The following SUCLG2 variants were observed in gnomAD, a reference collection of about 807,000 sequenced individuals.
SUCLG2 encodes succinate-CoA ligase GDP-forming subunit beta.
Under a neutral mutation model 47.9 loss-of-function variants are expected in SUCLG2, and 42 were observed. The observed-to-expected ratio is 0.88, with a 90% confidence interval of 0.69 to 1.14. The LOEUF (loss-of-function observed/expected upper bound fraction) is 1.14, where lower values mean the gene tolerates loss of function less well. Ranked by LOEUF, SUCLG2 falls within the 50% of genes most tolerant of loss-of-function variation. SUCLG2 has a pLI of 0.00. For missense variants in SUCLG2, 571 were observed against 525.9 expected, an observed-to-expected ratio of 1.09 and a Z score of -0.84; for synonymous variants, 195 against 197.3, an observed-to-expected ratio of 0.99 and a Z score of 0.10.
In SUCLG2 at chr3:67,521,511, C is replaced by T. The variant is rs115562859; in HGVS notation, c.418-877G>A. Among the ~76,000 whole-genome samples the T allele has an allele frequency of 5.8e-3, 890 of 152,296 alleles. 7 individuals are homozygous for T. Among genetic ancestry groups the T allele is most frequent in the African/African-American group, 0.019 (810 of 41,556 alleles). On this transcript the variant is annotated intron_variant, in intron 4 of 10. Transcript: ENST00000307227. ...AAAAACCACTGCTGACATTCTAGTC[C>T]TTTTCTATGTATCTGCAAGCATTGC...
At chr3:67,643,941 T>G (rs1225892014) in intron 1 of SUCLG2, among the ~76,000 whole-genome samples, 1 of 152,184 alleles carries the variant, frequency 6.6e-6, no homozygotes, top group African/African-American at 2.4e-5. Flanking sequence ...CCTCACAAAG[T>G]GCTGGGATTA....
At position 67,542,839 on chromosome 3, in the gene SUCLG2, T is replaced by A. The variant is rs115709246; in HGVS notation, c.227-13653A>T. The stretch of plus-strand genomic sequence containing the variant: ...TGCATAAAGCAAATGCTTAGAGACC[T>A]ACAAAGACACTTGGACTCCCACACA... On this transcript the variant is annotated intron_variant, in intron 2 of 10. Coordinates refer to ENST00000307227, the MANE Select transcript of SUCLG2 (RefSeq NM_003848.4). 1.3e-3 allele frequency among the ~76,000 whole-genome samples: 202 copies of A among 152,288 alleles called. 1 individual carries two copies. Among genetic ancestry groups the A allele is most frequent in the African/African-American group, 4.5e-3 (189 of 41,556 alleles).
intron 10 of SUCLG2, chr3:67,376,337 T>C: frequency 2.0e-6 from 2 of 985,394 alleles, no homozygotes; most frequent in Non-Finnish European, 2.4e-6. Flanking sequence ...CTCTATAAAA[T>C]GAAATGGGCT....
At chr3:67,540,954 G>A (rs1227708944) in intron 2 of SUCLG2, among the ~76,000 whole-genome samples, 2 of 152,220 alleles carry the variant, frequency 1.3e-5, no homozygotes, top group Non-Finnish European at 2.9e-5. Context: ...GTAGACTGTA[G>A]CAGAGGGGAC....
intron 10 of SUCLG2, 90 bp from the exon 11 acceptor site, chr3:67,375,949 A>C (rs190673422): frequency 6.7e-7 from 1 of 1,490,294 alleles, no homozygotes; most frequent in East Asian, 2.5e-5. Context: ...TCACCTGTCT[A>C]CAGCTTTTCA....
At position 67,520,574 on chromosome 3, in the gene SUCLG2, G is replaced by A. The variant is rs776448754; in HGVS notation, c.478C>T (p.Arg160Trp). The A allele has an allele frequency of 3.3e-5, 54 of 1,613,912 alleles. No individual in the cohort carries two copies. The highest frequency in any genetic ancestry group is 1.1e-4 in the African/African-American group (8 of 74,910). Residue 160 changes from arginine to tryptophan, a missense_variant, in exon 5 of 11, where the codon CGG (arginine) becomes TGG (tryptophan). Physicochemically the swap from Arg to Trp is moderately radical, Grantham distance 101. Transcript: ENST00000307227. The part of the protein sequence containing the change: ...RETYLAILMD[R>W]SCNGPVLVGS... ...ACCAGCACGGGGCCATTGCAGGACC[G>A]GTCCATCAGAATTGCCAGGTAGGTT... is the stretch of plus-strand genomic sequence containing the variant.
intron 10 of SUCLG2, among the ~76,000 whole-genome samples, chr3:67,399,089 T>C (rs1271271195): frequency 6.6e-6 from 1 of 150,760 alleles, no homozygotes; most frequent in Non-Finnish European, 1.5e-5. Flanking sequence ...AGTTAATCGG[T>C]GCAGCACACC....
At chr3:67,396,444 C>A (rs1482430796) in intron 10 of SUCLG2, among the ~76,000 whole-genome samples, 1 of 152,134 alleles carries the variant, frequency 6.6e-6, no homozygotes, top group African/African-American at 2.4e-5. Flanking sequence ...AATTCCTTGA[C>A]ACATACACCC....
At chr3:67,496,173 G>A (rs1244245584) in intron 8 of SUCLG2, among the ~76,000 whole-genome samples, 1 of 152,202 alleles carries the variant, frequency 6.6e-6, no homozygotes, top group East Asian at 1.9e-4. Context: ...GGAACAGGAT[G>A]TATTGGGAAG....
In SUCLG2 at chr3:67,375,491, A is replaced by G; in HGVS notation, c.*253T>C. On this transcript the variant is annotated 3_prime_UTR_variant, in exon 11 of 11. Transcript: ENST00000307227. Reference sequence around the variant, plus strand: ...GACCACTCCCCAAAGTCTGCAAAACACTGCCTACTGGGCAGGCTTACAGTG... The same window carrying G: ...GACCACTCCCCAAAGTCTGCAAAACGCTGCCTACTGGGCAGGCTTACAGTG... The G allele has an allele frequency of 8.5e-7, 1 of 1,178,732 alleles. No homozygotes were observed. Among genetic ancestry groups the G allele is most frequent in the Non-Finnish European group, 1.1e-6 (1 of 951,054 alleles). The allele number at this position is 1,178,732 out of a possible 1,614,324, so 73.0% of individuals were successfully genotyped here.
intron 5 of SUCLG2, among the ~76,000 whole-genome samples, chr3:67,518,558 G>T (rs1463814865): frequency 6.6e-6 from 1 of 152,158 alleles, no homozygotes; most frequent in Non-Finnish European, 1.5e-5. Context: ...TCTTCATGGT[G>T]GCATGCTGAC....
chr3:67,472,627 T>A (rs1347925513), intron 9 of SUCLG2, among the ~76,000 whole-genome samples: 3 of 152,178 alleles, frequency 2.0e-5, no homozygotes, highest in African/African-American at 7.2e-5. Context: ...TATTTAATAT[T>A]TGGGATCATT....
At chr3:67,482,722 T>G (rs1418300396) in intron 9 of SUCLG2, among the ~76,000 whole-genome samples, 1 of 152,166 alleles carries the variant, frequency 6.6e-6, no homozygotes, top group Non-Finnish European at 1.5e-5. Context: ...CCAAGACTCT[T>G]GGATCATAAT....
At chr3:67,409,327 C>A (rs1373637877) in intron 9 of SUCLG2, among the ~76,000 whole-genome samples, 1 of 152,106 alleles carries the variant, frequency 6.6e-6, no homozygotes, top group Non-Finnish European at 1.5e-5. Flanking sequence ...GAAATGTATA[C>A]CATTGCCACT....
At chr3:67,593,551 C>T (rs1047207948) in intron 2 of SUCLG2, among the ~76,000 whole-genome samples, 3 of 152,308 alleles carry the variant, frequency 2.0e-5, no homozygotes, top group African/African-American at 7.2e-5. Context: ...CCACATCTCC[C>T]GTGTAAACCT....
rs544086122 is a variant in SUCLG2, at chr3:67,542,137, G to A, written c.227-12951C>T. On this transcript the variant is annotated intron_variant, in intron 2 of 10. Transcript: ENST00000307227. ...GATCCACCCACCTCAGCCTCCCAAA[G>A]TGCTGGGATTACAGGCGTGAGCCAC... Among the ~76,000 whole-genome samples, 71 of 152,238 alleles carry A rather than the reference G, an allele frequency of 4.7e-4. 1 individual carries two copies. The highest frequency in any genetic ancestry group is 7.5e-4 in the Non-Finnish European group (51 of 68,004).
At chr3:67,462,259 T>C (rs1704355398) in intron 9 of SUCLG2, among the ~76,000 whole-genome samples, 1 of 151,950 alleles carries the variant, frequency 6.6e-6, no homozygotes, top group Non-Finnish European at 1.5e-5. Context: ...TATACTCTAA[T>C]CTCCCCCCAC....
At chr3:67,591,306 T>C (rs1708158804) in intron 2 of SUCLG2, among the ~76,000 whole-genome samples, 1 of 152,154 alleles carries the variant, frequency 6.6e-6, no homozygotes, top group Admixed American at 6.5e-5. Context: ...GGTATAGCAG[T>C]AGATGAAACA....
intron 10 of SUCLG2, among the ~76,000 whole-genome samples, chr3:67,381,653 G>A (rs1702160834): frequency 6.6e-6 from 1 of 152,118 alleles, no homozygotes; most frequent in Non-Finnish European, 1.5e-5. Context: ...TCATGCTGGT[G>A]GAACCTCAGG....
Sources: allele counts gnomAD v4.1 joint callset (sites outside exome capture counted in the v4.1 genomes callset), GRCh38; gene constraint gnomAD v4.1.1; transcripts MANE v1.5; gene names NCBI Gene and HGNC (gene_info 2026-07-23, HGNC 2026-07-21).